The following PNPLA8 variants were observed in gnomAD, a reference collection of about 807,000 sequenced individuals.
PNPLA8 encodes calcium-independent phospholipase A2-gamma.
A neutral mutation model predicts 76.9 loss-of-function variants in PNPLA8; 39 were observed. That is an observed-to-expected ratio of 0.51 (90% CI 0.39 to 0.66). PNPLA8 has a LOEUF of 0.66. Ranked by LOEUF, PNPLA8 falls within the 30% of genes least tolerant of loss-of-function variation. The pLI is 0.00. For synonymous variants in PNPLA8, 301 were observed against 307.9 expected (o/e 0.98, Z 0.24); for missense variants, 887 against 918.0 (o/e 0.97, Z 0.44).
At chr7:108,527,234 T>C (rs1280832745), upstream of PNPLA8, among the ~76,000 whole-genome samples, 1 of 152,230 alleles carries the variant, frequency 6.6e-6, no homozygotes, top group African/African-American at 2.4e-5. Flanking sequence ...TTCTTTGACC[T>C]GTCAAATGTA....
chr7:108,479,089 A>G lies in PNPLA8; in HGVS notation c.2074+95T>C, dbSNP rs1311391689. The G allele has an allele frequency of 1.5e-5, 11 of 756,890 alleles. No individual in the cohort carries two copies. The East Asian group carries it at 2.5e-4, about 17-fold the overall frequency. 46.9% of individuals were successfully genotyped at this position (756,890 alleles called of 1,614,324 possible). A position where few individuals can be genotyped will look rare whatever the true frequency, so the allele number is the denominator to read the frequency against. On this transcript the variant is annotated intron_variant, in intron 10 of 10. Transcript: ENST00000257694. ...CTTCCTAAATCCACAATACAGACAT[A>G]TCATATGCCTTTGCAGTTAGGACCA...
chr7:108,497,830 T>C (rs1742868377), intron 5 of PNPLA8, among the ~76,000 whole-genome samples: 1 of 151,642 alleles, frequency 6.6e-6, no homozygotes, highest in African/African-American at 2.4e-5. Context: ...CTCTCTCTTG[T>C]TTTTTCACTG....
intron 9 of PNPLA8, among the ~76,000 whole-genome samples, chr7:108,487,297 T>C (rs1249828636): frequency 6.6e-6 from 1 of 152,152 alleles, no homozygotes; most frequent in Non-Finnish European, 1.5e-5. Context: ...AAGGATTAAA[T>C]GAGATAATGC....
intron 6 of PNPLA8, 138 bp downstream of exon 6, chr7:108,497,344 CA>C (rs946283043): frequency 2.0e-5 from 11 of 544,782 alleles, no homozygotes; most frequent in Non-Finnish European, 3.5e-5. Context: ...GAACAAAAGA[CA>C]AAAAAGGAAG....
intron 1 of PNPLA8, among the ~76,000 whole-genome samples, chr7:108,525,124 GA>G (rs1027831356): frequency 6.6e-6 from 1 of 152,102 alleles, no homozygotes; most frequent in African/African-American, 2.4e-5. Context: ...TTATAATTAC[GA>G]AATAAAAACA....
chr7:108,487,877 G>C lies in PNPLA8; in HGVS notation c.1760C>G (p.Pro587Arg). 2 of 1,613,218 alleles carry C rather than the reference G, an allele frequency of 1.2e-6. No individual in the cohort carries two copies. Among genetic ancestry groups the C allele is most frequent in the African/African-American group, 1.3e-5 (1 of 74,980 alleles). ...AFVFRNYGHF[P>R]GINSHYLGGC... ...TCCCAAATAATGAGAGTTGATTCCA[G>C]GAAAATGACCATAGTTTCTGAACAC... The change falls in exon 9 of 11, where the codon CCT (proline) becomes CGT (arginine). Residue 587 changes from proline to arginine, a missense_variant. Pro to Arg is a moderately radical substitution (Grantham distance 103). Coordinates refer to ENST00000257694, the MANE Select transcript of PNPLA8 (RefSeq NM_001256007.3).
At chr7:108,510,044 G>T (rs1862781184) in intron 4 of PNPLA8, among the ~76,000 whole-genome samples, 1 of 117,524 alleles carries the variant, frequency 8.5e-6, no homozygotes, top group African/African-American at 3.2e-5. Context: ...GGGGGAGGGG[G>T]GAGGGATAGC....
chr7:108,496,531 T>C (rs989395466), intron 7 of PNPLA8, 53 bp downstream of exon 7: 1 of 1,074,090 alleles, frequency 9.3e-7, no homozygotes, highest in Non-Finnish European at 1.3e-6. Context: ...AATTATAATA[T>C]GCACATACTA....
intron 7 of PNPLA8, among the ~76,000 whole-genome samples, chr7:108,494,479 T>A (rs1861416195): frequency 6.6e-6 from 1 of 152,228 alleles, no homozygotes; most frequent in South Asian, 2.1e-4. Context: ...TTTTATGTTC[T>A]TGTGTTAGGT....
chr7:108,491,474 T>C lies in PNPLA8; in HGVS notation c.1626-7A>G. 6.4e-7 allele frequency: 1 copy of C among 1,573,528 alleles called. No homozygotes were observed. Among genetic ancestry groups the C allele is most frequent in the South Asian group, 1.1e-5 (1 of 90,132 alleles). On this transcript the variant is annotated splice_region_variant and splice_polypyrimidine_tract_variant and intron_variant, in intron 7 of 10. Transcript: ENST00000257694. ...TGCAGATCCCATCCTATCCCTTTAT[T>C]AAAGGAGAAAAAAATAAGTTATATC...
chr7:108,503,863 GA>G (rs1190855450), intron 4 of PNPLA8, among the ~76,000 whole-genome samples: 1 of 152,066 alleles, frequency 6.6e-6, no homozygotes, highest in Non-Finnish European at 1.5e-5. Flanking sequence ...GGTTTGGAGT[GA>G]AAAAAATGGA....
chr7:108,491,706 G>A (rs962831186), intron 7 of PNPLA8, among the ~76,000 whole-genome samples: 1 of 152,184 alleles, frequency 6.6e-6, no homozygotes, highest in Non-Finnish European at 1.5e-5. Flanking sequence ...GTGGAGCAAC[G>A]AACAGAGGGG....
chr7:108,506,103 C>T (rs866083996), intron 4 of PNPLA8, among the ~76,000 whole-genome samples: 26 of 152,180 alleles, frequency 1.7e-4, no homozygotes, highest in African/African-American at 6.3e-4. Context: ...AAAGGTTGGG[C>T]ACAGTGGCTC....
chr7:108,495,344 A>T (rs1861475085), intron 7 of PNPLA8, among the ~76,000 whole-genome samples: 1 of 152,216 alleles, frequency 6.6e-6, no homozygotes, highest in Non-Finnish European at 1.5e-5. Context: ...GTATATCCAT[A>T]AAATGGTGAA....
At position 108,515,004 on chromosome 7, in the gene PNPLA8, T is replaced by A; in HGVS notation, c.488A>T (p.Lys163Ile). 1 of 1,607,892 alleles carries A rather than the reference T, an allele frequency of 6.2e-7. No individual in the cohort carries two copies. The highest frequency in any genetic ancestry group is 8.5e-7 in the Non-Finnish European group (1 of 1,179,688). ...AIKSLKKYSD[K>I]SAEKSPFPEE... Reference sequence around the variant, plus strand: ...TGGAAAAGGACTCTTTTCTGCTGATTTGTCACTATATTTTTTCAGAGATTT... The same window carrying A: ...TGGAAAAGGACTCTTTTCTGCTGATATGTCACTATATTTTTTCAGAGATTT... Residue 163 changes from lysine to isoleucine, a missense_variant, in exon 3 of 11, where the codon AAA (lysine) becomes ATA (isoleucine). Transcript: ENST00000257694.
chr7:108,477,357 C>T (rs6966431), intron 10 of PNPLA8, among the ~76,000 whole-genome samples: 97,273 of 152,078 alleles, frequency 0.64, 31,541 homozygotes, highest in African/African-American at 0.75. Context: ...AAATCTAGCA[C>T]ATGAGCTTTT....
chr7:108,489,730 AG>A (rs1375439234), intron 8 of PNPLA8, among the ~76,000 whole-genome samples: 7 of 152,348 alleles, frequency 4.6e-5, no homozygotes, highest in African/African-American at 1.7e-4. Context: ...TAAGAGCAAC[AG>A]AAAGAGCTGC....
intron 2 of PNPLA8, 94 bp from the exon 3 acceptor site, chr7:108,515,668 C>G: frequency 1.6e-6 from 1 of 620,860 alleles, no homozygotes; most frequent in Non-Finnish European, 2.3e-6. Flanking sequence ...ACTCAGCAAG[C>G]TGTCTCAAAA....
At chr7:108,509,107 T>C (rs1191835765) in intron 4 of PNPLA8, among the ~76,000 whole-genome samples, 1 of 112,106 alleles carries the variant, frequency 8.9e-6, no homozygotes, top group African/African-American at 3.9e-5. Context: ...ATTCAGGACA[T>C]AGGCATGGTC....
Sources: allele counts gnomAD v4.1 joint callset (sites outside exome capture counted in the v4.1 genomes callset), GRCh38; gene constraint gnomAD v4.1.1; transcripts MANE v1.5; gene names NCBI Gene and HGNC (gene_info 2026-07-23, HGNC 2026-07-21).